TBX15: variants seen among roughly 807,000 people sequenced by gnomAD.
The protein encoded by TBX15 is T-box transcription factor TBX15.
In TBX15, 18 loss-of-function variants were observed where a neutral mutation model predicts 53.9. The observed-to-expected ratio is 0.33, with a 90% CI of 0.23 to 0.49. The LOEUF is 0.49. Ranked by LOEUF, TBX15 falls within the 20% of genes least tolerant of loss-of-function variation. TBX15 has a pLI of 0.98. For synonymous variants in TBX15, 295 were observed against 278.0 expected (o/e 1.06, Z -0.61); for missense variants, 692 against 749.5 (o/e 0.92, Z 0.90).
chr1:118,981,232 C>G (rs59734934), intron 1 of TBX15, among the ~76,000 whole-genome samples: 1,529 of 152,076 alleles, frequency 0.01, 35 homozygotes, highest in African/African-American at 0.035. Flanking sequence ...TTAGAATCGT[C>G]CCATGATACC....
At chr1:118,941,347 T>C (rs1433988036) in intron 1 of TBX15, among the ~76,000 whole-genome samples, 1 of 152,198 alleles carries the variant, frequency 6.6e-6, no homozygotes, top group Non-Finnish European at 1.5e-5. Context: ...GAAGCCAATT[T>C]CTAAACATCA....
intron 7 of TBX15, among the ~76,000 whole-genome samples, chr1:118,898,210 CT>C (rs1654494656): frequency 6.6e-6 from 1 of 152,158 alleles, no homozygotes; most frequent in Non-Finnish European, 1.5e-5. Context: ...ACTCCAGAGT[CT>C]ATGCTTTTAA....
Position 118,988,059 on chromosome 1 carries a change from G to A in TBX15, c.-264C>T, listed in dbSNP as rs1309949742. 1 of 549,770 alleles carries A rather than the reference G, an allele frequency of 1.8e-6. No homozygotes were observed. The highest frequency in any genetic ancestry group is 3.2e-6 in the Non-Finnish European group (1 of 311,104). The allele number at this position is 549,770 out of a possible 1,614,324, so 34.1% of individuals were successfully genotyped here. On this transcript the variant is annotated 5_prime_UTR_variant, in exon 1 of 8. Coordinates refer to ENST00000369429, the MANE Select transcript of TBX15 (RefSeq NM_001330677.2). ...CCGCCCGCTCGCTGCATGAGCGCCC[G>A]AGTCCTGCTTCCCACCCACCGGGGC... is the stretch of plus-strand genomic sequence containing the variant.
chr1:118,918,522 T>C (rs1332709752), intron 5 of TBX15, among the ~76,000 whole-genome samples: 1 of 152,212 alleles, frequency 6.6e-6, no homozygotes, highest in African/African-American at 2.4e-5. Context: ...AGTAATCTCC[T>C]GTGCGACTAA....
intron 1 of TBX15, among the ~76,000 whole-genome samples, chr1:118,958,997 C>T (rs183263014): frequency 4.8e-5 from 7 of 144,924 alleles, no homozygotes; most frequent in East Asian, 2.3e-4. Flanking sequence ...AAGAAAAGGC[C>T]TTAGTGGTCA....
intron 5 of TBX15, among the ~76,000 whole-genome samples, chr1:118,918,413 A>C (rs1454712442): frequency 2.0e-5 from 3 of 152,110 alleles, no homozygotes; most frequent in Admixed American, 1.3e-4. Context: ...AACCATGATA[A>C]GCTTCAGAGA....
At position 118,899,021 on chromosome 1, in the gene TBX15, G is replaced by A. The variant is rs2101500283; in HGVS notation, c.1024+7C>T. The A allele has an allele frequency of 1.9e-6, 3 of 1,613,300 alleles. No individual in the cohort carries two copies. Among genetic ancestry groups the A allele is most frequent in the Non-Finnish European group, 2.5e-6 (3 of 1,179,562 alleles). ...CACTAAGCAGAGGCCTTGCTCCAGGGCTTTACCTTGCTGCTTCTGCATGGT... is the reference window on the plus strand; with the variant it reads ...CACTAAGCAGAGGCCTTGCTCCAGGACTTTACCTTGCTGCTTCTGCATGGT... On this transcript the variant is annotated splice_region_variant and intron_variant, in intron 7 of 7. Transcript: ENST00000369429.
At position 118,948,348 on chromosome 1, in the gene TBX15, GT is replaced by G. The variant is rs1656408336; in HGVS notation, c.206-16517del. Among the ~76,000 whole-genome samples the G allele has an allele frequency of 1.3e-5, 2 of 151,856 alleles. 1 individual carries two copies. Among genetic ancestry groups the G allele is most frequent in the South Asian group, 4.2e-4 (2 of 4,810 alleles). On this transcript the variant is annotated intron_variant, in intron 1 of 7. Transcript: ENST00000369429. ...AGGCCACTAGGCTGCAGGATAATTA[GT>G]ATGGCCAAATTGCTCTAATTATTTT...
chr1:118,963,165 C>T (rs1212039417), intron 1 of TBX15, among the ~76,000 whole-genome samples: 3 of 152,094 alleles, frequency 2.0e-5, no homozygotes, highest in African/African-American at 7.2e-5. Context: ...CATGACAGAC[C>T]TCACATCCTT....
At chr1:118,968,361 T>C (rs552439369) in intron 1 of TBX15, among the ~76,000 whole-genome samples, 10 of 152,176 alleles carry the variant, frequency 6.6e-5, no homozygotes, top group African/African-American at 1.4e-4. Context: ...ATTACAGGCA[T>C]GCATCACACT....
intron 7 of TBX15, among the ~76,000 whole-genome samples, chr1:118,893,323 A>G (rs1654230416): frequency 1.4e-4 from 18 of 131,062 alleles, no homozygotes; most frequent in African/African-American, 4.8e-4. Context: ...GGAAAGAAAG[A>G]AAGAAGAAAG....
chr1:118,915,605 T>C (rs554139831), intron 5 of TBX15, among the ~76,000 whole-genome samples: 7 of 152,362 alleles, frequency 4.6e-5, no homozygotes, highest in Middle Eastern at 3.4e-3. Context: ...GTGTCTGCCA[T>C]ATGAATACTG....
intron 1 of TBX15, among the ~76,000 whole-genome samples, chr1:118,974,505 C>T (rs1657355100): frequency 6.6e-6 from 1 of 152,108 alleles, no homozygotes; most frequent in Admixed American, 6.5e-5. Flanking sequence ...CATCAGACTT[C>T]CTAAGAGAGG....
chr1:118,960,026 C>T (rs1656814716), intron 1 of TBX15, among the ~76,000 whole-genome samples: 1 of 148,390 alleles, frequency 6.7e-6, no homozygotes, highest in South Asian at 2.1e-4. Context: ...GCAGGGCTAG[C>T]TGAAGAATCA....
chr1:118,986,454 AC>A (rs1369255345), intron 1 of TBX15, among the ~76,000 whole-genome samples: 22 of 152,230 alleles, frequency 1.4e-4, no homozygotes, highest in African/African-American at 4.6e-4. Flanking sequence ...TCTGCAGGTC[AC>A]CCGCTAATCG....
chr1:118,988,079 C>A lies in TBX15; in HGVS notation c.-284G>T. On this transcript the variant is annotated 5_prime_UTR_variant, in exon 1 of 8. Transcript: ENST00000369429. ...CGCCCGAGTCCTGCTTCCCACCCAC[C>A]GGGGCAGGCGCTCACAGACTGTGTC... 1 of 519,408 alleles carries A rather than the reference C, an allele frequency of 1.9e-6. No homozygotes were observed. 32.2% of individuals were successfully genotyped at this position (519,408 alleles called of 1,614,324 possible).
intron 6 of TBX15, among the ~76,000 whole-genome samples, chr1:118,900,741 T>C (rs1265758962): frequency 6.6e-6 from 1 of 152,092 alleles, no homozygotes; most frequent in Non-Finnish European, 1.5e-5. Flanking sequence ...GCCCAGGCAA[T>C]TAGGGAGTTC....
At chr1:118,944,452 A>G (rs1355744131) in intron 1 of TBX15, among the ~76,000 whole-genome samples, 2 of 152,170 alleles carry the variant, frequency 1.3e-5, no homozygotes, top group African/African-American at 2.4e-5. Flanking sequence ...CTTGGCTTCA[A>G]CAAGGCTCTA....
rs183685390 is a variant in TBX15 at position 118,929,626 on chromosome 1, G to A, written c.419+1993C>T. ...GTGTCTGTCTTGGGGAATGTGTAGA[G>A]TATCCAGATATTAAGGTGAACTTGT... On this transcript the variant is annotated intron_variant, in intron 2 of 7. Coordinates refer to ENST00000369429, the MANE Select transcript of TBX15 (RefSeq NM_001330677.2). 5.3e-5 allele frequency among the ~76,000 whole-genome samples: 8 copies of A among 152,280 alleles called. No homozygotes were observed. The East Asian group carries it at 1.5e-3, about 29-fold the overall frequency.
Sources: gnomAD v4.1 joint callset for allele counts (sites outside exome capture counted in the v4.1 genomes callset) on GRCh38, gnomAD v4.1.1 for gene constraint, MANE v1.5 for transcripts, NCBI Gene and HGNC (gene_info 2026-07-23, HGNC 2026-07-21) for gene names.